LHFPL6: variants seen among roughly 807,000 people sequenced by gnomAD.
LHFPL6 encodes LHFPL tetraspan subfamily member 6, also known as LHFPL tetraspan subfamily member 6 protein.
Under a neutral mutation model 20.6 loss-of-function variants are expected in LHFPL6, and 9 were observed. That is an observed-to-expected ratio of 0.44 (90% CI 0.26 to 0.76). The LOEUF is 0.76. LHFPL6 is among the 30% of genes least tolerant of loss of function. LHFPL6 has a pLI of 0.20. For missense variants in LHFPL6, 218 were observed against 253.5 expected, an observed-to-expected ratio of 0.86 and a Z score of 0.95; for synonymous variants, 105 against 98.7, an observed-to-expected ratio of 1.06 and a Z score of -0.38.
At position 39,378,433 on chromosome 13, in the gene LHFPL6, T is replaced by A; in HGVS notation, c.479A>T (p.Asp160Val). 1 of 1,613,604 alleles carries A rather than the reference T, an allele frequency of 6.2e-7. No individual in the cohort carries two copies. The highest frequency in any genetic ancestry group is 8.5e-7 in the Non-Finnish European group (1 of 1,179,706). The change falls in exon 3 of 4, where the codon GAC becomes GTC. Residue 160 changes from aspartate to valine, a missense_variant. Transcript: ENST00000379589. ...QTCGYTSGQF[D>V]LGKCEIGWAY... is the part of the protein sequence containing the mutation. ...CATCCATGAAGAAAGCTTACCCAGG[T>A]CAAACTGGCCAGAAGTGTAGCCACA...
At chr13:39,429,991 G>C (rs1871745549) in intron 2 of LHFPL6, among the ~76,000 whole-genome samples, 1 of 152,162 alleles carries the variant, frequency 6.6e-6, no homozygotes, top group Non-Finnish European at 1.5e-5. Context: ...TGAGATCTTT[G>C]CTTTTTCCAT....
chr13:39,481,796 C>T (rs1409476569), intron 2 of LHFPL6, among the ~76,000 whole-genome samples: 3 of 152,078 alleles, frequency 2.0e-5, no homozygotes, highest in Non-Finnish European at 4.4e-5. Flanking sequence ...AAATTCATTG[C>T]AAGATTTTCA....
intron 2 of LHFPL6, among the ~76,000 whole-genome samples, chr13:39,549,931 T>G (rs111354231): frequency 6.6e-6 from 1 of 152,012 alleles, no homozygotes; most frequent in African/African-American, 2.4e-5. Flanking sequence ...AAGGCTACAT[T>G]AGACACAGAA....
At chr13:39,509,493 T>G (rs542110365) in intron 2 of LHFPL6, among the ~76,000 whole-genome samples, 2 of 152,260 alleles carry the variant, frequency 1.3e-5, no homozygotes, top group African/African-American at 2.4e-5. Flanking sequence ...GTTTAAGGTA[T>G]GCGCTGAAGT....
intron 3 of LHFPL6, among the ~76,000 whole-genome samples, chr13:39,359,503 C>G (rs75610903): frequency 0.01 from 1,594 of 152,204 alleles, 29 homozygotes; most frequent in African/African-American, 0.037. Flanking sequence ...ACATAAAGGC[C>G]GTTTTCCTAA....
rs1001800179 is a variant in LHFPL6, at chr13:39,603,147, C to A, written c.-439G>T. ...GGCAGCTCTGGCGGAGCGCTGTGGG[C>A]GCGCGCGGGCGCCGGGGATCGCACG... On this transcript the variant is annotated 5_prime_UTR_variant, in exon 1 of 4. Transcript: ENST00000379589. The A allele has an allele frequency of 3.3e-5, 5 of 152,308 alleles. No individual in the cohort carries two copies. Among genetic ancestry groups the A allele is most frequent in the African/African-American group, 7.2e-5 (3 of 41,458 alleles). The allele number at this position is 152,308 out of a possible 1,614,324, so 9.4% of individuals were successfully genotyped here. A position where few individuals can be genotyped will look rare whatever the true frequency, so the allele number is the denominator to read the frequency against.
intron 2 of LHFPL6, among the ~76,000 whole-genome samples, chr13:39,430,180 AT>A (rs1400718868): frequency 6.6e-6 from 1 of 152,172 alleles, no homozygotes; most frequent in African/African-American, 2.4e-5. Flanking sequence ...TGAACCACTC[AT>A]TACCCCCACT....
intron 2 of LHFPL6, among the ~76,000 whole-genome samples, chr13:39,477,552 C>G (rs1873115484): frequency 6.6e-6 from 1 of 152,148 alleles, no homozygotes; most frequent in Non-Finnish European, 1.5e-5. Flanking sequence ...CCTTTAGATA[C>G]TGTCAAGGAG....
chr13:39,471,770 T>C (rs1314333367), intron 2 of LHFPL6, among the ~76,000 whole-genome samples: 1 of 152,258 alleles, frequency 6.6e-6, no homozygotes, highest in Non-Finnish European at 1.5e-5. Flanking sequence ...GAACTAGAAT[T>C]CATTTTTATG....
chr13:39,345,400 C>A (rs1869366387), intron 3 of LHFPL6, among the ~76,000 whole-genome samples: 1 of 150,544 alleles, frequency 6.6e-6, no homozygotes, highest in Non-Finnish European at 1.5e-5. Flanking sequence ...GTAATCCCAA[C>A]TACTCAGGAG....
Position 39,343,742 on chromosome 13 carries a change from T to C in LHFPL6, c.*194A>G, listed in dbSNP as rs1469121964. 1 of 553,788 alleles carries C rather than the reference T, an allele frequency of 1.8e-6. No individual in the cohort carries two copies. The highest frequency in any genetic ancestry group is 3.2e-6 in the Non-Finnish European group (1 of 311,166). 34.3% of individuals were successfully genotyped at this position (553,788 alleles called of 1,614,324 possible). On this transcript the variant is annotated 3_prime_UTR_variant, in exon 4 of 4. Coordinates refer to ENST00000379589, the MANE Select transcript of LHFPL6 (RefSeq NM_005780.3). ...CATTTTTCTCCATCATTCTATACTC[T>C]CCTTTTTTTTCCCCCACAAATCTCC... is the stretch of plus-strand genomic sequence containing the variant.
chr13:39,480,110 C>T (rs949454185), intron 2 of LHFPL6, among the ~76,000 whole-genome samples: 1 of 152,152 alleles, frequency 6.6e-6, no homozygotes, highest in African/African-American at 2.4e-5. Flanking sequence ...GAATAACCCC[C>T]ATTAATATTT....
intron 2 of LHFPL6, among the ~76,000 whole-genome samples, chr13:39,412,611 G>C (rs948721011): frequency 6.6e-6 from 1 of 152,172 alleles, no homozygotes; most frequent in African/African-American, 2.4e-5. Context: ...GAAGTACAGA[G>C]AGACTACTTC....
intron 2 of LHFPL6, among the ~76,000 whole-genome samples, chr13:39,544,742 A>G (rs764729119): frequency 1.3e-5 from 2 of 152,178 alleles, no homozygotes; most frequent in Non-Finnish European, 2.9e-5. Flanking sequence ...CTAAAATAGA[A>G]CTATCAATGG....
At chr13:39,427,003 T>C (rs1871657760) in intron 2 of LHFPL6, among the ~76,000 whole-genome samples, 1 of 151,868 alleles carries the variant, frequency 6.6e-6, no homozygotes, top group South Asian at 2.1e-4. Context: ...GCTTTATTTA[T>C]TTAAAAAAAT....
At chr13:39,496,336 C>T (rs1384589156) in intron 2 of LHFPL6, among the ~76,000 whole-genome samples, 2 of 152,104 alleles carry the variant, frequency 1.3e-5, no homozygotes, top group Non-Finnish European at 2.9e-5. Flanking sequence ...TTCATAAGGG[C>T]TCAACCCTCA....
intron 2 of LHFPL6, among the ~76,000 whole-genome samples, chr13:39,501,851 A>C (rs889659801): frequency 6.6e-6 from 1 of 152,176 alleles, no homozygotes; most frequent in Non-Finnish European, 1.5e-5. Flanking sequence ...TAAGAAAAAG[A>C]GGAGCCAAGA....
chr13:39,481,055 ATTGG>A (rs1868503921), intron 2 of LHFPL6, among the ~76,000 whole-genome samples: 1 of 152,162 alleles, frequency 6.6e-6, no homozygotes, highest in Non-Finnish European at 1.5e-5. Context: ...AATATCATGG[ATTGG>A]TTTTCCCCCT....
intron 2 of LHFPL6, among the ~76,000 whole-genome samples, chr13:39,425,105 A>G (rs1871604782): frequency 6.6e-6 from 1 of 152,078 alleles, no homozygotes; most frequent in South Asian, 2.1e-4. Context: ...GCAACTATGG[A>G]TTGCTTTCAA....
Sources: allele counts gnomAD v4.1 joint callset (sites outside exome capture counted in the v4.1 genomes callset), GRCh38; gene constraint gnomAD v4.1.1; transcripts MANE v1.5; gene names NCBI Gene and HGNC (gene_info 2026-07-23, HGNC 2026-07-21).